Variants in CSMD3 observed in about 807,000 individuals in gnomAD.
The protein encoded by CSMD3 is CUB and sushi domain-containing protein 3.
CSMD3 carries 177 observed loss-of-function variants against 435.2 expected under a neutral mutation model. That is an observed-to-expected ratio of 0.41 (90% CI 0.36 to 0.46). The LOEUF (loss-of-function observed/expected upper bound fraction) is 0.46, where lower values mean the gene tolerates loss of function less well. Ranked by LOEUF, CSMD3 falls within the 20% of genes least tolerant of loss-of-function variation. CSMD3 has a pLI of 0.34. For missense variants in CSMD3, 4,265 were observed against 4,504.6 expected (o/e 0.95, Z 1.52); for synonymous variants, 1,656 against 1,520.5 (o/e 1.09, Z -2.07).
intron 2 of CSMD3, among the ~76,000 whole-genome samples, chr8:113,297,345 A>C (rs1588463203): frequency 1.3e-5 from 2 of 149,688 alleles, no homozygotes; most frequent in East Asian, 3.9e-4. Context: ...ATTATGAATG[A>C]AAATATTTTA....
chr8:112,838,237 T>C (rs1217759158), intron 11 of CSMD3, among the ~76,000 whole-genome samples: 1 of 151,724 alleles, frequency 6.6e-6, no homozygotes, highest in Non-Finnish European at 1.5e-5. Context: ...AAAAAAATAT[T>C]ATTTTTGTTT....
At chr8:112,475,277 T>C (rs1014329068) in intron 31 of CSMD3, among the ~76,000 whole-genome samples, 5 of 152,206 alleles carry the variant, frequency 3.3e-5, no homozygotes, top group South Asian at 2.1e-4. Context: ...GAATTTGTTT[T>C]ACATATTTTA....
At chr8:112,239,215 G>A (rs1813877203) in intron 66 of CSMD3, among the ~76,000 whole-genome samples, 1 of 151,992 alleles carries the variant, frequency 6.6e-6, no homozygotes, top group Non-Finnish European at 1.5e-5. Flanking sequence ...CATCCCTGGA[G>A]TCTCTCTGAA....
chr8:113,007,395 A>C (rs1256095673), intron 6 of CSMD3, among the ~76,000 whole-genome samples: 2 of 151,944 alleles, frequency 1.3e-5, no homozygotes, highest in Non-Finnish European at 2.9e-5. Flanking sequence ...CAATATAATT[A>C]GTGTGTTTCT....
chr8:112,937,639 C>G (rs574555857), intron 9 of CSMD3, among the ~76,000 whole-genome samples: 89 of 152,266 alleles, frequency 5.8e-4, no homozygotes, highest in African/African-American at 1.9e-3. Flanking sequence ...GCATGAGTTA[C>G]TGCCCCCGGC....
At chr8:112,661,992 A>T (rs2075392457) in intron 17 of CSMD3, among the ~76,000 whole-genome samples, 2 of 152,114 alleles carry the variant, frequency 1.3e-5, no homozygotes, top group Admixed American at 6.6e-5. Context: ...TGAGGACTGA[A>T]GATTCTAGAT....
chr8:113,190,887 C>A (rs2092574679), intron 3 of CSMD3, among the ~76,000 whole-genome samples: 1 of 151,696 alleles, frequency 6.6e-6, no homozygotes, highest in Non-Finnish European at 1.5e-5. Flanking sequence ...TCATTTATTT[C>A]ATATTGAGTG....
intron 19 of CSMD3, among the ~76,000 whole-genome samples, chr8:112,645,573 C>G (rs1012134499): frequency 6.8e-6 from 1 of 146,470 alleles, no homozygotes; most frequent in Non-Finnish European, 1.5e-5. Context: ...AATGAATTAA[C>G]TGTATAAAAC....
At chr8:112,874,262 T>A (rs2081217194) in intron 10 of CSMD3, among the ~76,000 whole-genome samples, 1 of 152,224 alleles carries the variant, frequency 6.6e-6, no homozygotes, top group Non-Finnish European at 1.5e-5. Flanking sequence ...GATTGCACTG[T>A]GGTATGAGAG....
At chr8:112,346,904 C>T (rs140423909) in intron 40 of CSMD3, among the ~76,000 whole-genome samples, 4,922 of 151,894 alleles carry the variant, frequency 0.032, 270 homozygotes, top group African/African-American at 0.11. Context: ...TGGTCTTGAT[C>T]TCCTGACCTC....
chr8:112,501,953 TA>T (rs1822010445), intron 30 of CSMD3, among the ~76,000 whole-genome samples: 1 of 151,978 alleles, frequency 6.6e-6, no homozygotes, highest in Non-Finnish European at 1.5e-5. Context: ...ACATACATAA[TA>T]AAAATACAAA....
chr8:113,018,982 A>G, intron 6 of CSMD3, 85 bp downstream of exon 6: 2 of 915,254 alleles, frequency 2.2e-6, no homozygotes, highest in South Asian at 1.3e-5. Flanking sequence ...TAAATGCTAA[A>G]GACATTTTTC....
At chr8:112,692,861 T>C (rs1331049903) in intron 13 of CSMD3, among the ~76,000 whole-genome samples, 1 of 152,168 alleles carries the variant, frequency 6.6e-6, no homozygotes, top group Non-Finnish European at 1.5e-5. Context: ...CTATTTTATT[T>C]TTAGTTATTG....
intron 5 of CSMD3, among the ~76,000 whole-genome samples, chr8:113,093,919 C>G (rs1247223654): frequency 2.6e-5 from 4 of 152,018 alleles, no homozygotes; most frequent in Non-Finnish European, 5.9e-5. Flanking sequence ...TCTTGATAAC[C>G]ATATTGTTCC....
chr8:113,154,881 C>A (rs1368305589), intron 4 of CSMD3, among the ~76,000 whole-genome samples: 1 of 151,990 alleles, frequency 6.6e-6, no homozygotes, highest in Non-Finnish European at 1.5e-5. Flanking sequence ...AGCTCCCGAA[C>A]AATTCACATG....
chr8:112,987,038 T>C (rs891672780), intron 6 of CSMD3, among the ~76,000 whole-genome samples: 4 of 152,186 alleles, frequency 2.6e-5, no homozygotes, highest in South Asian at 4.1e-4. Context: ...AGATATCAGG[T>C]ACATAAAGAA....
chr8:112,496,288 A>C (rs1415453872), intron 30 of CSMD3, among the ~76,000 whole-genome samples: 1 of 152,142 alleles, frequency 6.6e-6, no homozygotes, highest in Non-Finnish European at 1.5e-5. Flanking sequence ...TTTTTAATTA[A>C]AGGCAATAAC....
chr8:113,074,213 TGTC>T (rs1276698349), intron 5 of CSMD3, among the ~76,000 whole-genome samples: 1 of 151,592 alleles, frequency 6.6e-6, no homozygotes, highest in Non-Finnish European at 1.5e-5. Context: ...TCTGTTGATC[TGTC>T]ATCACATATC....
intron 1 of CSMD3, among the ~76,000 whole-genome samples, chr8:113,373,938 T>G (rs1466652060): frequency 6.6e-6 from 1 of 152,104 alleles, no homozygotes; most frequent in Admixed American, 6.5e-5. Flanking sequence ...CTCACTTCTG[T>G]GAAGCCACAA....
Sources: allele counts gnomAD v4.1 joint callset (sites outside exome capture counted in the v4.1 genomes callset), GRCh38; gene constraint gnomAD v4.1.1; transcripts MANE v1.5; gene names NCBI Gene and HGNC (gene_info 2026-07-23, HGNC 2026-07-21).